ARL15: variants seen among roughly 807,000 people sequenced by gnomAD.
The protein encoded by ARL15 is ARF like GTPase 15, also known as ADP-ribosylation factor-like protein 15.
In ARL15, 19 loss-of-function variants were observed where a neutral mutation model predicts 25.2. That is an observed-to-expected ratio of 0.75 (90% CI 0.53 to 1.10). The LOEUF is 1.10. Ranked by LOEUF, ARL15 falls within the 50% of genes least tolerant of loss-of-function variation. The pLI, the probability that ARL15 is intolerant of heterozygous loss-of-function variation, is 0.00. For missense variants in ARL15, 220 were observed against 246.0 expected (o/e 0.89, Z 0.71); for synonymous variants, 94 against 86.8 (o/e 1.08, Z -0.46).
At chr5:54,064,553 G>A (rs905466748) in intron 4 of ARL15, among the ~76,000 whole-genome samples, 1 of 152,170 alleles carries the variant, frequency 6.6e-6, no homozygotes, top group African/African-American at 2.4e-5. Flanking sequence ...GTCTTTGAGA[G>A]TATGAAGCTA....
intron 4 of ARL15, among the ~76,000 whole-genome samples, chr5:54,065,471 G>A (rs1024566863): frequency 2.0e-5 from 3 of 152,096 alleles, no homozygotes; most frequent in Non-Finnish European, 4.4e-5. Flanking sequence ...TTCGAGACCA[G>A]GCTGGCCAAC....
At chr5:54,052,322 T>C (rs1217277471) in intron 4 of ARL15, among the ~76,000 whole-genome samples, 1 of 152,136 alleles carries the variant, frequency 6.6e-6, no homozygotes, top group Non-Finnish European at 1.5e-5. Flanking sequence ...TAGCATGAAA[T>C]GCAATCTAAA....
At position 54,039,755 on chromosome 5, in the gene ARL15, T is replaced by C. The variant is rs965970855; in HGVS notation, c.462+73447A>G. 2.3e-5 allele frequency among the ~76,000 whole-genome samples: 3 copies of C among 133,172 alleles called. No individual in the cohort carries two copies. The Admixed American group carries it at 2.8e-4, about 13-fold the overall frequency. The allele number at this position is 133,172 out of a possible 152,430, so 87.4% of individuals were successfully genotyped here. Reference sequence around the variant, plus strand: ...AGGTGGAGGTTGCAGTGAGCCGAGATTGCACCACTGCTCTCCAGCCTGGGC... The same window carrying C: ...AGGTGGAGGTTGCAGTGAGCCGAGACTGCACCACTGCTCTCCAGCCTGGGC... On this transcript the variant is annotated intron_variant, in intron 4 of 4. Transcript: ENST00000504924.
At chr5:54,007,957 AG>A (rs1424008145) in intron 4 of ARL15, among the ~76,000 whole-genome samples, 1 of 152,208 alleles carries the variant, frequency 6.6e-6, no homozygotes, top group African/African-American at 2.4e-5. Context: ...CATGAGACTC[AG>A]ACCTTCAATA....
intron 4 of ARL15, among the ~76,000 whole-genome samples, chr5:54,005,100 T>C (rs1050886365): frequency 6.6e-6 from 1 of 152,114 alleles, no homozygotes; most frequent in Admixed American, 6.6e-5. Context: ...GATCCTCCCG[T>C]TTCAGCCTCC....
intron 4 of ARL15, among the ~76,000 whole-genome samples, chr5:54,014,900 T>G: frequency 6.6e-6 from 1 of 152,108 alleles, no homozygotes; most frequent in South Asian, 2.1e-4. Context: ...TTTGTGTGCC[T>G]TTTCTCTTCA....
chr5:53,939,423 T>C (rs1007924181), intron 4 of ARL15, among the ~76,000 whole-genome samples: 16 of 152,256 alleles, frequency 1.1e-4, no homozygotes, highest in Middle Eastern at 6.8e-3. Context: ...AGTCATTACA[T>C]TTCCGTTTTG....
intron 4 of ARL15, among the ~76,000 whole-genome samples, chr5:54,037,443 G>A (rs1671447494): frequency 1.3e-5 from 2 of 152,022 alleles, no homozygotes; most frequent in South Asian, 4.1e-4. Flanking sequence ...TGAAATGTAA[G>A]AAAGTAATCA....
rs1037625495 is a variant in ARL15 at position 53,884,831 on chromosome 5, A to C, written c.*1730T>G. On this transcript the variant is annotated 3_prime_UTR_variant, in exon 5 of 5. Coordinates refer to ENST00000504924, the MANE Select transcript of ARL15 (RefSeq NM_019087.3). The stretch of plus-strand genomic sequence containing the variant: ...ATAGAAGATGAGCACAACAGGACAA[A>C]ATAAAAACAGGAATTGTGTAACTGG... 7.2e-5 allele frequency: 11 copies of C among 152,632 alleles called. No homozygotes were observed. The highest frequency in any genetic ancestry group is 2.4e-4 in the African/African-American group (10 of 41,454). 9.5% of individuals were successfully genotyped at this position (152,632 alleles called of 1,614,324 possible).
In ARL15 at chr5:54,123,008, G is replaced by A. The variant is rs192710870; in HGVS notation, c.254-9598C>T. Among the ~76,000 whole-genome samples the A allele has an allele frequency of 1.6e-3, 248 of 152,174 alleles. 2 individuals are homozygous for A. Among genetic ancestry groups the A allele is most frequent in the Admixed American group, 8.1e-3 (124 of 15,284 alleles). On this transcript the variant is annotated intron_variant, in intron 3 of 4. Transcript: ENST00000504924. ...TTAAGTTAATTAATGAGTGAATGGG[G>A]AGTGATTATGTAAACTATTTACCCA...
chr5:53,986,583 C>A (rs897640372), intron 4 of ARL15, among the ~76,000 whole-genome samples: 12 of 152,156 alleles, frequency 7.9e-5, no homozygotes, highest in Non-Finnish European at 1.5e-4. Flanking sequence ...CAGGTGGTCT[C>A]TGACTATGCT....
chr5:54,088,324 A>T (rs1008772690), intron 4 of ARL15, among the ~76,000 whole-genome samples: 4 of 152,238 alleles, frequency 2.6e-5, no homozygotes, highest in Non-Finnish European at 5.9e-5. Context: ...ACTGGGCTAT[A>T]CGTATGTGAC....
intron 3 of ARL15, among the ~76,000 whole-genome samples, chr5:54,122,345 G>T (rs1753105824): frequency 6.6e-6 from 1 of 152,200 alleles, no homozygotes; most frequent in Non-Finnish European, 1.5e-5. Context: ...AGCATGATTA[G>T]TCGTGTTAAC....
At chr5:53,950,401 A>T (rs1746906552) in intron 4 of ARL15, among the ~76,000 whole-genome samples, 1 of 152,240 alleles carries the variant, frequency 6.6e-6, no homozygotes, top group Non-Finnish European at 1.5e-5. Context: ...CTGGGGTTTG[A>T]ATTTCTGTTA....
intron 1 of ARL15, among the ~76,000 whole-genome samples, chr5:54,175,535 A>G (rs549813248): frequency 6.6e-6 from 1 of 151,834 alleles, no homozygotes; most frequent in Admixed American, 6.6e-5. Context: ...GGGTTTCACC[A>G]TGTTGGCCAG....
At chr5:54,287,868 G>A (rs1458683705) in intron 1 of ARL15, among the ~76,000 whole-genome samples, 2 of 152,130 alleles carry the variant, frequency 1.3e-5, no homozygotes, top group African/African-American at 4.8e-5. Flanking sequence ...AACAACCATG[G>A]TGTGGCCTAG....
chr5:54,098,234 G>A (rs1297777429), intron 4 of ARL15, among the ~76,000 whole-genome samples: 1 of 152,096 alleles, frequency 6.6e-6, no homozygotes, highest in East Asian at 1.9e-4. Flanking sequence ...ATCTGAAAGC[G>A]TTCTAATACC....
chr5:54,000,134 A>T (rs1230855959), intron 4 of ARL15, among the ~76,000 whole-genome samples: 1 of 152,164 alleles, frequency 6.6e-6, no homozygotes, highest in Non-Finnish European at 1.5e-5. Flanking sequence ...GATTCAAAGA[A>T]CACTCTTTTC....
intron 4 of ARL15, among the ~76,000 whole-genome samples, chr5:53,984,060 A>G (rs962096268): frequency 6.6e-6 from 1 of 152,158 alleles, no homozygotes; most frequent in African/African-American, 2.4e-5. Context: ...GCACTCACAT[A>G]CTTAGAGAGT....
Sources: gnomAD v4.1 joint callset for allele counts (sites outside exome capture counted in the v4.1 genomes callset) on GRCh38, gnomAD v4.1.1 for gene constraint, MANE v1.5 for transcripts, NCBI Gene and HGNC (gene_info 2026-07-23, HGNC 2026-07-21) for gene names.